The following PKHD1 variants were observed in gnomAD, a reference collection of about 807,000 sequenced individuals.
PKHD1 encodes the protein PKHD1 ciliary IPT domain containing fibrocystin/polyductin.
In PKHD1, 291 loss-of-function variants were observed where a neutral mutation model predicts 412.0. The observed-to-expected ratio is 0.71, with a 90% CI of 0.64 to 0.78. The LOEUF (loss-of-function observed/expected upper bound fraction) is 0.78, where lower values mean the gene tolerates loss of function less well. Among genes scored for constraint, PKHD1 ranks in the 30% least tolerant of loss-of-function variants. PKHD1 has a pLI of 0.00. For synonymous variants in PKHD1, 1,777 were observed against 1,821.5 expected (o/e 0.98, Z 0.62); for missense variants, 4,825 against 4,950.7 (o/e 0.97, Z 0.76).
At chr6:51,632,081 T>A (rs1186478132) in intron 65 of PKHD1, among the ~76,000 whole-genome samples, 3 of 151,882 alleles carry the variant, frequency 2.0e-5, no homozygotes, top group Non-Finnish European at 4.4e-5. Flanking sequence ...GTAGCTGGGA[T>A]TACAGGCATC....
rs144804345 is a variant in PKHD1, at chr6:51,909,472, T to C, written c.6493A>G (p.Asn2165Asp). The change falls in exon 40 of 67, where the codon AAT becomes GAT. Residue 2165 changes from asparagine (N) to aspartate (D), a missense_variant and splice_region_variant. By Grantham distance (23) the Asn-to-Asp change is conservative (BLOSUM62 1). Transcript: ENST00000371117. ...ATGGAATACAAACAGTGCTGCAGAT[T>C]ACCTGAAATGCAAAATAAAGTCCAG... ...SCQEANAPEG[N>D]LQHCLYSMSE... 2 of 1,611,924 alleles carry C rather than the reference T, an allele frequency of 1.2e-6. No individual in the cohort carries two copies. The highest frequency in any genetic ancestry group is 2.7e-5 in the African/African-American group (2 of 74,936).
rs146450219 is a variant in PKHD1, at chr6:51,645,205, T to C, written c.11398+2826A>G. 1.0e-3 allele frequency among the ~76,000 whole-genome samples: 154 copies of C among 152,312 alleles called. 1 individual carries two copies. The highest frequency in any genetic ancestry group is 3.5e-3 in the African/African-American group (147 of 41,578). Reference sequence around the variant, plus strand: ...AAGCCAGTGCTTGAAATCACACTTCTAGAAAGAAGAATTTGCAAAAGTTAA... The same window carrying C: ...AAGCCAGTGCTTGAAATCACACTTCCAGAAAGAAGAATTTGCAAAAGTTAA... On this transcript the variant is annotated intron_variant, in intron 63 of 66. Transcript: ENST00000371117.
At chr6:51,801,743 C>A (rs1762974563) in intron 52 of PKHD1, among the ~76,000 whole-genome samples, 1 of 151,038 alleles carries the variant, frequency 6.6e-6, no homozygotes, top group African/African-American at 2.4e-5. Context: ...GAGAAGAGTC[C>A]CATTTAAACT....
intron 35 of PKHD1, among the ~76,000 whole-genome samples, chr6:51,970,754 G>A (rs188723592): frequency 1.1e-3 from 172 of 152,252 alleles, no homozygotes; most frequent in African/African-American, 3.9e-3. Context: ...AAGATTAGTT[G>A]GTTGTAGACA....
At chr6:51,772,327 T>G (rs1430682929) in intron 55 of PKHD1, among the ~76,000 whole-genome samples, 1 of 151,964 alleles carries the variant, frequency 6.6e-6, no homozygotes, top group East Asian at 1.9e-4. Flanking sequence ...TTCATCTCCC[T>G]CCTATTTTAT....
intron 60 of PKHD1, among the ~76,000 whole-genome samples, chr6:51,679,097 G>A (rs901335038): frequency 9.9e-5 from 15 of 151,974 alleles, no homozygotes; most frequent in African/African-American, 3.6e-4. Flanking sequence ...GGGAAGCCCC[G>A]GACACAATAA....
chr6:51,872,710 T>C (rs1167789813), intron 46 of PKHD1, among the ~76,000 whole-genome samples: 2 of 152,022 alleles, frequency 1.3e-5, no homozygotes, highest in African/African-American at 2.4e-5. Context: ...AATCTGAGTA[T>C]CTTAAAACTA....
At chr6:52,043,218 A>C in intron 26 of PKHD1, 84 bp from the exon 27 acceptor site, 1 of 1,118,544 alleles carries the variant, frequency 8.9e-7, no homozygotes, top group Non-Finnish European at 1.3e-6. Context: ...CACTATCATC[A>C]AATGTTCCTT....
chr6:51,735,975 C>A (rs1194508381), intron 60 of PKHD1, among the ~76,000 whole-genome samples: 4 of 152,082 alleles, frequency 2.6e-5, no homozygotes, highest in Non-Finnish European at 5.9e-5. Flanking sequence ...TCAATCTGAA[C>A]CTTGTTAATT....
chr6:51,734,458 T>C (rs1783595142), intron 60 of PKHD1, among the ~76,000 whole-genome samples: 1 of 152,194 alleles, frequency 6.6e-6, no homozygotes, highest in African/African-American at 2.4e-5. Flanking sequence ...TCAGCAAACA[T>C]TAACAAAGCC....
At chr6:51,897,366 C>A (rs889969090) in intron 43 of PKHD1, among the ~76,000 whole-genome samples, 18 of 152,258 alleles carry the variant, frequency 1.2e-4, no homozygotes, top group South Asian at 6.2e-4. Flanking sequence ...ATTCAACATT[C>A]TTAAAGAAAA....
Position 52,071,066 on chromosome 6 carries a change from G to A in PKHD1, c.607C>T (p.Pro203Ser), listed in dbSNP as rs777994980. The A allele has an allele frequency of 1.1e-5, 17 of 1,596,610 alleles. No individual in the cohort carries two copies. In the Admixed American group the frequency reaches 2.8e-4, roughly 27 times the overall value. Residue 203 changes from proline (P) to serine (S), a missense_variant, in exon 9 of 67, where the codon CCT (proline) becomes TCT (serine). Physicochemically the swap from Pro to Ser is moderately conservative, Grantham distance 74. Coordinates refer to ENST00000371117, the MANE Select transcript of PKHD1 (RefSeq NM_138694.4). ...CCAAGACCATGGTCCTCCTGAATAG[G>A]ATAACTAAGGAAAAGACAAACTGAG... ...LINRQMGSCY[P>S]IQEDHGLGTL...
At chr6:51,886,352 G>C (rs1778216453) in intron 44 of PKHD1, among the ~76,000 whole-genome samples, 1 of 152,120 alleles carries the variant, frequency 6.6e-6, no homozygotes, top group South Asian at 2.1e-4. Context: ...AGAAAATAAT[G>C]CTAACACAAT....
At chr6:51,835,271 AG>A (rs1257344810) in intron 51 of PKHD1, among the ~76,000 whole-genome samples, 1 of 152,186 alleles carries the variant, frequency 6.6e-6, no homozygotes, top group Non-Finnish European at 1.5e-5. Flanking sequence ...TATCCACAGA[AG>A]GGGGCCTGGC....
intron 51 of PKHD1, among the ~76,000 whole-genome samples, chr6:51,831,894 C>A (rs948829485): frequency 5.3e-5 from 8 of 152,118 alleles, no homozygotes; most frequent in African/African-American, 1.7e-4. Flanking sequence ...ACGCACAACA[C>A]CATGCTGAAC....
intron 65 of PKHD1, among the ~76,000 whole-genome samples, chr6:51,628,849 A>T (rs1409972124): frequency 6.6e-6 from 1 of 152,192 alleles, no homozygotes; most frequent in Non-Finnish European, 1.5e-5. Context: ...ACAGAATGGC[A>T]CTGGCAAAAT....
intron 60 of PKHD1, among the ~76,000 whole-genome samples, chr6:51,665,476 CCAAA>C (rs1402527263): frequency 2.0e-5 from 3 of 152,082 alleles, no homozygotes; most frequent in Admixed American, 6.6e-5. Context: ...AATAATCCCA[CCAAA>C]CAATTAGTCA....
chr6:51,754,059 G>A (rs1028297549), intron 56 of PKHD1, among the ~76,000 whole-genome samples: 10 of 152,130 alleles, frequency 6.6e-5, no homozygotes, highest in South Asian at 2.1e-4. Context: ...TGAAACCATG[G>A]ATTTGCCTCT....
Position 51,747,785 on chromosome 6 carries a change from A to AC in PKHD1, c.9829+1dup, listed in dbSNP as rs1188399385. On this transcript the variant is annotated splice_donor_variant, in intron 58 of 66. Coordinates refer to ENST00000371117, the MANE Select transcript of PKHD1 (RefSeq NM_138694.4). LOFTEE classifies it high-confidence loss of function. ...CTGCCTAGATAAAATAAAACATCCT[A>AC]CCTTGAAGTTTCATGATTCCTGAAA... 1 of 1,612,108 alleles carries AC rather than the reference A, an allele frequency of 6.2e-7. No individual in the cohort carries two copies. Among genetic ancestry groups the AC allele is most frequent in the Non-Finnish European group, 8.5e-7 (1 of 1,178,432 alleles).
Sources: gnomAD v4.1 joint callset for allele counts (sites outside exome capture counted in the v4.1 genomes callset) on GRCh38, gnomAD v4.1.1 for gene constraint, MANE v1.5 for transcripts, NCBI Gene and HGNC (gene_info 2026-07-23, HGNC 2026-07-21) for gene names.